Variants in SRD5A1 observed in about 807,000 individuals in gnomAD.
The protein encoded by SRD5A1 is 3-oxo-5-alpha-steroid 4-dehydrogenase 1.
In SRD5A1, 22 loss-of-function variants were observed where a neutral mutation model predicts 28.2. The ratio of observed to expected loss-of-function variants is 0.78; its 90% CI spans 0.56 to 1.12. SRD5A1 has a LOEUF of 1.12. Among genes scored for constraint, SRD5A1 ranks in the 50% most tolerant of loss-of-function variants. The pLI is 0.00. For missense variants in SRD5A1, 300 were observed against 346.7 expected, an observed-to-expected ratio of 0.87 and a Z score of 1.07; for synonymous variants, 151 against 135.0, an observed-to-expected ratio of 1.12 and a Z score of -0.82.
At position 6,663,474 on chromosome 5, in the gene SRD5A1, C is replaced by G. The variant is rs188264653; in HGVS notation, c.713+508C>G. Among the ~76,000 whole-genome samples the G allele has an allele frequency of 5.0e-3, 762 of 152,308 alleles. 5 individuals are homozygous for G. The highest frequency in any genetic ancestry group is 8.3e-3 in the Non-Finnish European group (562 of 68,032). ...TGGGCTACAGAAGCTCTGCATGCCC[C>G]CTAAAATGACATCATTTTCCAGAGA... On this transcript the variant is annotated intron_variant, in intron 4 of 4. Transcript: ENST00000274192.
Position 6,668,235 on chromosome 5 carries a change from G to T in SRD5A1, c.747G>T (p.Lys249Asn). The change falls in exon 5 of 5, where the codon AAG becomes AAT. Residue 249 changes from lysine (K) to asparagine (N), a missense_variant. This residue lies in a region of SRD5A1 where 126 missense variants were observed against 185.7 expected (regional missense o/e 0.68). Coordinates refer to ENST00000274192, the MANE Select transcript of SRD5A1 (RefSeq NM_001047.4). The part of the protein sequence containing the change: ...WYLRKFEEYP[K>N]FRKIIIPFLF ...TCCGGAAATTTGAAGAGTATCCAAA[G>T]TTCAGAAAAATTATAATTCCATTTT... is the stretch of plus-strand genomic sequence containing the variant. 1 of 1,586,836 alleles carries T rather than the reference G, an allele frequency of 6.3e-7. No homozygotes were observed. Among genetic ancestry groups the T allele is most frequent in the Non-Finnish European group, 8.6e-7 (1 of 1,168,112 alleles).
intron 1 of SRD5A1, among the ~76,000 whole-genome samples, chr5:6,645,517 T>C (rs1738484037): frequency 1.3e-5 from 2 of 151,892 alleles, no homozygotes; most frequent in South Asian, 4.1e-4. Flanking sequence ...CACATGCCTG[T>C]AATCCCAGCT....
chr5:6,648,549 A>C (rs1404204442), intron 1 of SRD5A1, among the ~76,000 whole-genome samples: 1 of 152,098 alleles, frequency 6.6e-6, no homozygotes, highest in African/African-American at 2.4e-5. Flanking sequence ...CACTTGATTG[A>C]TTTGGCTATT....
intron 1 of SRD5A1, among the ~76,000 whole-genome samples, chr5:6,637,946 C>T (rs902327741): frequency 1.3e-5 from 2 of 152,194 alleles, no homozygotes; most frequent in Non-Finnish European, 2.9e-5. Context: ...GGAGCCTAGC[C>T]CAGCTTCACT....
At chr5:6,659,468 G>A (rs1738939250) in intron 3 of SRD5A1, among the ~76,000 whole-genome samples, 1 of 151,602 alleles carries the variant, frequency 6.6e-6, no homozygotes, top group African/African-American at 2.4e-5. Context: ...AGAAGGTAGG[G>A]AAAATATATC....
At chr5:6,654,316 C>G (rs1356481139) in intron 2 of SRD5A1, among the ~76,000 whole-genome samples, 2 of 152,138 alleles carry the variant, frequency 1.3e-5, no homozygotes, top group Admixed American at 6.5e-5. Flanking sequence ...CTCAGCCTCC[C>G]AAAGTGGTGG....
At chr5:6,662,726 A>T in intron 3 of SRD5A1, 90 bp from the exon 4 acceptor site, 1 of 1,400,752 alleles carries the variant, frequency 7.1e-7, no homozygotes, top group Non-Finnish European at 9.9e-7. Context: ...TCTTGAATTT[A>T]TGTTCTCCAG....
At chr5:6,649,727 C>T (rs937381112) in intron 1 of SRD5A1, among the ~76,000 whole-genome samples, 2 of 152,216 alleles carry the variant, frequency 1.3e-5, no homozygotes, top group African/African-American at 4.8e-5. Flanking sequence ...TGAGGCGATG[C>T]CCCACCCTGC....
chr5:6,650,338 G>A (rs998338862), intron 1 of SRD5A1, among the ~76,000 whole-genome samples: 4 of 151,142 alleles, frequency 2.6e-5, no homozygotes, highest in African/African-American at 9.7e-5. Flanking sequence ...TTGAGCCTAG[G>A]ATGTTGAGGC....
intron 1 of SRD5A1, among the ~76,000 whole-genome samples, chr5:6,639,262 C>T (rs1323714783): frequency 6.6e-6 from 1 of 152,248 alleles, no homozygotes; most frequent in Non-Finnish European, 1.5e-5. Context: ...AAAGAATAGT[C>T]ATTCCAAGTA....
chr5:6,633,700 G>C lies in SRD5A1; in HGVS notation c.124G>C (p.Ala42Pro), dbSNP rs1214306825. The change falls in exon 1 of 5, where the codon GCG becomes CCG. Residue 42 changes from alanine to proline, a missense_variant. Physicochemically the swap from Ala to Pro is conservative, Grantham distance 27. Around this residue, in one of 2 missense-constraint regions of SRD5A1, gnomAD observed 174 missense variants for 160.9 expected, o/e 1.08. Transcript: ENST00000274192. Reference sequence around the variant, plus strand: ...GACGAACTCAGTGTACGGCCGCCACGCGCTGCCCAGCCACAGGCTCCGAGT... The same window carrying C: ...GACGAACTCAGTGTACGGCCGCCACCCGCTGCCCAGCCACAGGCTCCGAGT... ...RQTNSVYGRH[A>P]LPSHRLRVPA... is the part of the protein sequence containing the mutation. 1 of 1,589,374 alleles carries C rather than the reference G, an allele frequency of 6.3e-7. No individual in the cohort carries two copies. The highest frequency in any genetic ancestry group is 8.5e-7 in the Non-Finnish European group (1 of 1,175,582).
At chr5:6,654,116 A>G (rs1738765766) in intron 2 of SRD5A1, among the ~76,000 whole-genome samples, 1 of 151,630 alleles carries the variant, frequency 6.6e-6, no homozygotes, top group South Asian at 2.1e-4. Flanking sequence ...GCAGAGGTGC[A>G]ATCTCGGCTC....
At chr5:6,649,892 C>T (rs753277116) in intron 1 of SRD5A1, among the ~76,000 whole-genome samples, 2 of 152,056 alleles carry the variant, frequency 1.3e-5, no homozygotes, top group African/African-American at 2.4e-5. Flanking sequence ...CCATCTTGCC[C>T]GCCCACCCTT....
At chr5:6,652,192 A>G (rs1738698800) in intron 2 of SRD5A1, among the ~76,000 whole-genome samples, 184 bp downstream of exon 2, 1 of 152,236 alleles carries the variant, frequency 6.6e-6, no homozygotes, top group Non-Finnish European at 1.5e-5. Context: ...CAGAGAGGTG[A>G]CGCAGGTGCT....
intron 4 of SRD5A1, among the ~76,000 whole-genome samples, chr5:6,666,801 G>T (rs1311512028): frequency 1.3e-5 from 2 of 152,142 alleles, no homozygotes; most frequent in African/African-American, 2.4e-5. Context: ...AGCCTGGTGG[G>T]GGGGCGCGTT....
chr5:6,635,097 C>A (rs930791154), intron 1 of SRD5A1, among the ~76,000 whole-genome samples: 1 of 152,172 alleles, frequency 6.6e-6, no homozygotes, highest in Non-Finnish European at 1.5e-5. Flanking sequence ...TGCATTCCAG[C>A]GAAGAGAAAG....
In SRD5A1 at chr5:6,659,818, A is replaced by T. The variant is rs570145195; in HGVS notation, c.563-2998A>T. On this transcript the variant is annotated intron_variant, in intron 3 of 4. Transcript: ENST00000274192. ...TCATGTAAAATCTGTCAGGTTTTGAAGACTCAGGTGTAGGGAGTCTGAGTG... is the reference window on the plus strand; with the variant it reads ...TCATGTAAAATCTGTCAGGTTTTGATGACTCAGGTGTAGGGAGTCTGAGTG... Among the ~76,000 whole-genome samples the T allele has an allele frequency of 2.5e-3, 378 of 152,314 alleles. 1 individual carries two copies. Among genetic ancestry groups the T allele is most frequent in the Non-Finnish European group, 4.5e-3 (309 of 68,026 alleles).
intron 4 of SRD5A1, among the ~76,000 whole-genome samples, chr5:6,666,847 C>G (rs1252514807): frequency 6.6e-6 from 1 of 152,180 alleles, no homozygotes; most frequent in Non-Finnish European, 1.5e-5. Flanking sequence ...TGTTTCCCAT[C>G]TCCCACCTGC....
chr5:6,650,124 A>G (rs1738626468), intron 1 of SRD5A1, among the ~76,000 whole-genome samples: 1 of 151,942 alleles, frequency 6.6e-6, no homozygotes, highest in African/African-American at 2.4e-5. Flanking sequence ...TATTTCATCA[A>G]GTTGTTAAAT....
Sources: allele counts gnomAD v4.1 joint callset (sites outside exome capture counted in the v4.1 genomes callset), GRCh38; gene constraint gnomAD v4.1.1; regional missense constraint gnomAD v4.1.1; transcripts MANE v1.5; gene names NCBI Gene and HGNC (gene_info 2026-07-23, HGNC 2026-07-21).